FAM234A: variants seen among roughly 807,000 people sequenced by gnomAD.
FAM234A encodes the protein family with sequence similarity 234 member A.
In FAM234A, 42 loss-of-function variants were observed where a neutral mutation model predicts 49.1. That is an observed-to-expected ratio of 0.86 (90% CI 0.67 to 1.11). The LOEUF is 1.11. Among genes scored for constraint, FAM234A ranks in the 50% least tolerant of loss-of-function variants. FAM234A has a pLI of 0.00. For synonymous variants in FAM234A, 369 were observed against 316.2 expected, an observed-to-expected ratio of 1.17 and a Z score of -1.77; for missense variants, 815 against 745.2, an observed-to-expected ratio of 1.09 and a Z score of -1.09.
In FAM234A at chr16:265,577, C is replaced by T. The variant is rs957906096; in HGVS notation, c.*555C>T. ...ACAGCTCCAGCTTCGCAGCCCTTCC[C>T]GGAGCTACAGGGGGATCCTCTAGCA... On this transcript the variant is annotated 3_prime_UTR_variant, in exon 13 of 13. Coordinates refer to ENST00000399932, the MANE Select transcript of FAM234A (RefSeq NM_032039.4). 3.0e-5 allele frequency: 30 copies of T among 985,774 alleles called. No individual in the cohort carries two copies. The highest frequency in any genetic ancestry group is 4.7e-5 in the South Asian group (1 of 21,302). The allele number at this position is 985,774 out of a possible 1,614,324, so 61.1% of individuals were successfully genotyped here. A position where few individuals can be genotyped will look rare whatever the true frequency, so the allele number is the denominator to read the frequency against.
chr16:267,516 C>T (rs2051723777), downstream of FAM234A, among the ~76,000 whole-genome samples: 1 of 152,208 alleles, frequency 6.6e-6, no homozygotes, highest in Non-Finnish European at 1.5e-5. Flanking sequence ...ATGCATCCTA[C>T]ACGACACGTG....
downstream of FAM234A, chr16:268,473 G>A (rs903206343): frequency 4.1e-6 from 2 of 486,662 alleles, no homozygotes; most frequent in South Asian, 2.2e-5. Context: ...CAGTCTGGGG[G>A]ACTGGTGAGG....
At chr16:254,073 C>T in intron 2 of FAM234A, 3 of 341,168 alleles carry the variant, frequency 8.8e-6, no homozygotes, top group East Asian at 7.6e-5. Flanking sequence ...TAACACTGCC[C>T]TGGAGCTCAT....
Position 261,491 on chromosome 16 carries a change from G to C in FAM234A, c.685G>C (p.Val229Leu), listed in dbSNP as rs1376269538. The change falls in exon 6 of 13, where the codon GTT becomes CTT. Residue 229 changes from valine to leucine, a missense_variant. Transcript: ENST00000399932. ...CGGCGATGGGGCCCCAGACCTGCTGGTTCTCACCCAGGAGCGGGAGGAGGT... is the reference window on the plus strand; with the variant it reads ...CGGCGATGGGGCCCCAGACCTGCTGCTTCTCACCCAGGAGCGGGAGGAGGT... ...VDGDGAPDLL[V>L]LTQEREEVSG... 1.9e-6 allele frequency: 3 copies of C among 1,610,574 alleles called. No individual in the cohort carries two copies. Among genetic ancestry groups the C allele is most frequent in the Middle Eastern group, 1.6e-4 (1 of 6,074 alleles).
At position 254,609 on chromosome 16, in the gene FAM234A, G is replaced by C; in HGVS notation, c.196G>C (p.Val66Leu). 2 of 1,614,028 alleles carry C rather than the reference G, an allele frequency of 1.2e-6. 1 individual carries two copies. Among genetic ancestry groups the C allele is most frequent in the South Asian group, 2.2e-5 (2 of 91,076 alleles). ...LFLCLFVVFVVSFVIPCPDRP... is the reference protein window; with the variant it reads ...LFLCLFVVFVLSFVIPCPDRP... The stretch of plus-strand genomic sequence containing the variant: ...TCTCTGCCTTTTTGTGGTGTTCGTC[G>C]TCTCATTCGTCATCCCGTGTCCAGA... The change falls in exon 3 of 13, where the codon GTC becomes CTC. Residue 66 changes from valine (V) to leucine (L), a missense_variant. Physicochemically the swap from Val to Leu is conservative, Grantham distance 32 (BLOSUM62 1). Transcript: ENST00000399932.
chr16:259,284 T>C (rs2051360695), intron 3 of FAM234A, among the ~76,000 whole-genome samples, 199 bp from the exon 4 acceptor site: 2 of 152,106 alleles, frequency 1.3e-5, no homozygotes, highest in Admixed American at 1.3e-4. Flanking sequence ...TTTCTGAAGG[T>C]TAACACTAGG....
intron 10 of FAM234A, 98 bp from the exon 11 acceptor site, chr16:263,918 C>T: frequency 6.9e-7 from 1 of 1,455,534 alleles, no homozygotes. Flanking sequence ...CATCTGCCTC[C>T]AGGGCTGGCA....
intron 1 of FAM234A, among the ~76,000 whole-genome samples, chr16:237,017 G>A (rs1409305988): frequency 6.6e-6 from 1 of 151,886 alleles, no homozygotes; most frequent in African/African-American, 2.4e-5. Context: ...GCCTCCTGAA[G>A]TGCTGGAATT....
At chr16:244,241 T>G (rs530667554) in intron 1 of FAM234A, among the ~76,000 whole-genome samples, 5 of 152,350 alleles carry the variant, frequency 3.3e-5, no homozygotes, top group African/African-American at 9.6e-5. Flanking sequence ...GTGCTGGGAT[T>G]ACAGGCGTGA....
At chr16:248,063 A>G (rs930076697) in intron 1 of FAM234A, among the ~76,000 whole-genome samples, 2 of 152,014 alleles carry the variant, frequency 1.3e-5, no homozygotes, top group Non-Finnish European at 2.9e-5. Context: ...TGCCTTCTGA[A>G]GCCTCTGTTT....
chr16:235,611 G>C (rs1022354748), intron 1 of FAM234A, among the ~76,000 whole-genome samples: 1 of 152,136 alleles, frequency 6.6e-6, no homozygotes, highest in Non-Finnish European at 1.5e-5. Context: ...GCTGTGACGC[G>C]CTCCCTTCCA....
chr16:256,732 C>G (rs1442816683), intron 3 of FAM234A, among the ~76,000 whole-genome samples: 1 of 147,386 alleles, frequency 6.8e-6, no homozygotes, highest in Non-Finnish European at 1.5e-5. Context: ...GGCTACCATG[C>G]CTGGCTAATT....
rs556694380 is a variant in FAM234A, at chr16:236,867, A to G, written c.-140+2010A>G. Among the ~76,000 whole-genome samples, 11 of 114,576 alleles carry G rather than the reference A, an allele frequency of 9.6e-5. 5 individuals carry two copies. The highest frequency in any genetic ancestry group is 2.3e-4 in the Non-Finnish European group (11 of 48,886). The allele number at this position is 114,576 out of a possible 152,430, so 75.2% of individuals were successfully genotyped here. ...GCCTGCAGTGAGCCGAGATCGCGCC[A>G]CTGCACTCCAGCCTGGGCCACAGCG... On this transcript the variant is annotated intron_variant, in intron 1 of 12. Coordinates refer to ENST00000399932, the MANE Select transcript of FAM234A (RefSeq NM_032039.4).
At chr16:262,981 A>G (rs1031837698) in intron 8 of FAM234A, among the ~76,000 whole-genome samples, 1 of 151,788 alleles carries the variant, frequency 6.6e-6, no homozygotes, top group Non-Finnish European at 1.5e-5. Context: ...CTCCACGCCC[A>G]GCTAATTTTT....
intron 1 of FAM234A, among the ~76,000 whole-genome samples, chr16:239,278 C>T (rs151205591): frequency 3.9e-5 from 5 of 127,370 alleles, no homozygotes; most frequent in East Asian, 2.4e-4. Flanking sequence ...CCAGCCTGGG[C>T]GACAGAGCAA....
chr16:251,892 A>G (rs555646061), intron 2 of FAM234A, among the ~76,000 whole-genome samples: 1 of 149,478 alleles, frequency 6.7e-6, no homozygotes, highest in African/African-American at 2.4e-5. Context: ...AGTCCCAGCT[A>G]TTCGGGAGGC....
At position 262,462 on chromosome 16, in the gene FAM234A, G is replaced by A. The variant is rs759550507; in HGVS notation, c.880G>A (p.Glu294Lys). ...CGGCTGCTCTGTGAAGGGTCTCTAC[G>A]AGAAGGTGACCGGGAGCGGCGGCCC... is the stretch of plus-strand genomic sequence containing the variant. ...LCGCSVKGLY[E>K]KVTGSGGPFK... is the part of the protein sequence containing the mutation. The change falls in exon 8 of 13, where the codon GAG becomes AAG. Residue 294 changes from glutamate (E) to lysine (K), a missense_variant. Glu to Lys is a moderately conservative substitution (Grantham distance 56). Transcript: ENST00000399932. The A allele has an allele frequency of 1.9e-5, 31 of 1,611,894 alleles. No homozygotes were observed. Among genetic ancestry groups the A allele is most frequent in the East Asian group, 2.2e-5 (1 of 44,866 alleles).
rs376170404 is a variant in FAM234A, at chr16:237,939, G to C, written c.-140+3082G>C. Among the ~76,000 whole-genome samples the C allele has an allele frequency of 4.6e-4, 70 of 151,964 alleles. 1 individual carries two copies. The highest frequency in any genetic ancestry group is 1.7e-3 in the African/African-American group (69 of 41,424). On this transcript the variant is annotated intron_variant, in intron 1 of 12. Coordinates refer to ENST00000399932, the MANE Select transcript of FAM234A (RefSeq NM_032039.4). ...GGCTCGTCTCAAACTCCTGGCCTCAGGTGATCCTCCCGCCTCGGCCTCCCA... is the reference window on the plus strand; with the variant it reads ...GGCTCGTCTCAAACTCCTGGCCTCACGTGATCCTCCCGCCTCGGCCTCCCA...
Position 262,085 on chromosome 16 carries a change from C to T in FAM234A, c.709-8C>T. Reference sequence around the variant, plus strand: ...CCTCTCTTCCTGTGTCATCCTGTGTCATTGCAGGTTAGTGGCCACCTCTAC... The same window carrying T: ...CCTCTCTTCCTGTGTCATCCTGTGTTATTGCAGGTTAGTGGCCACCTCTAC... On this transcript the variant is annotated splice_region_variant and splice_polypyrimidine_tract_variant and intron_variant, in intron 6 of 12. Coordinates refer to ENST00000399932, the MANE Select transcript of FAM234A (RefSeq NM_032039.4). 1 of 1,613,432 alleles carries T rather than the reference C, an allele frequency of 6.2e-7. No homozygotes were observed. The highest frequency in any genetic ancestry group is 8.5e-7 in the Non-Finnish European group (1 of 1,179,642).
Sources: allele counts gnomAD v4.1 joint callset (sites outside exome capture counted in the v4.1 genomes callset), GRCh38; gene constraint gnomAD v4.1.1; transcripts MANE v1.5; gene names NCBI Gene and HGNC (gene_info 2026-07-23, HGNC 2026-07-21).